CASD1: variants seen among roughly 807,000 people sequenced by gnomAD.
CASD1 encodes N-acetylneuraminate (7)9-O-acetyltransferase.
Under a neutral mutation model 100.0 loss-of-function variants are expected in CASD1, and 41 were observed. That is an observed-to-expected ratio of 0.41 (90% confidence interval 0.32 to 0.53). The LOEUF (loss-of-function observed/expected upper bound fraction) is 0.53, where lower values mean the gene tolerates loss of function less well. Ranked by LOEUF, CASD1 falls within the 20% of genes least tolerant of loss-of-function variation. CASD1 has a pLI of 0.25. For missense variants in CASD1, 774 were observed against 948.7 expected, an observed-to-expected ratio of 0.82 and a Z score of 2.42; for synonymous variants, 321 against 315.6, an observed-to-expected ratio of 1.02 and a Z score of -0.18.
At chr7:94,597,053 G>A in the CASD1 span, among the ~76,000 whole-genome samples, 12 of 151,708 alleles carry the variant, frequency 7.9e-5, no homozygotes, top group Admixed American at 4.6e-4. Flanking sequence ...ATCTAATCCC[G>A]GTAAACTGGG....
At chr7:94,518,858 CTAATT>C (rs907763510) in intron 3 of CASD1, among the ~76,000 whole-genome samples, 7 of 151,742 alleles carry the variant, frequency 4.6e-5, no homozygotes, top group African/African-American at 1.5e-4. Flanking sequence ...TTATAGTTTT[CTAATT>C]TAATTTTGCA....
In CASD1 at chr7:94,551,445, T is replaced by C; in HGVS notation, c.1923T>C (p.Asn641=). 1 of 1,522,714 alleles carries C rather than the reference T, an allele frequency of 6.6e-7. No homozygotes were observed. Among genetic ancestry groups the C allele is most frequent in the Non-Finnish European group, 8.8e-7 (1 of 1,140,636 alleles). 94.3% of individuals were successfully genotyped at this position (1,522,714 alleles called of 1,614,324 possible). A position where few individuals can be genotyped will look rare whatever the true frequency, so the allele number is the denominator to read the frequency against. ...GEPLFSNKIS[N]FLLFISVVSF... ...CTCTTTTTTCAAACAAAATTTCAAA[T>C]TTTCTGTTGTTTATTTCAGTAGTTT... Residue 641 remains asparagine, a synonymous_variant, in exon 15 of 18, where the codon AAT becomes AAC. Coordinates refer to ENST00000297273, the MANE Select transcript of CASD1 (RefSeq NM_022900.5).
At chr7:94,553,828 CAAGATTGTTCCACCGAAAATGA>C (rs1251956627) in intron 16 of CASD1, 1 of 121,924 alleles carries the variant, frequency 8.2e-6, no homozygotes, top group East Asian at 2.3e-4. Context: ...AAAGAAAATG[CAAGATTGTTCCACCGAAAATGA>C]AAGATTGTTC....
chr7:94,571,009 TTTTC>T, the CASD1 span, among the ~76,000 whole-genome samples: 1 of 152,006 alleles, frequency 6.6e-6, no homozygotes, highest in East Asian at 1.9e-4. Flanking sequence ...ATGCTTCAGC[TTTTC>T]TTTATCTGGA....
At chr7:94,514,323 C>A (rs1189362618) in intron 1 of CASD1, among the ~76,000 whole-genome samples, 1 of 152,030 alleles carries the variant, frequency 6.6e-6, no homozygotes, top group East Asian at 1.9e-4. Flanking sequence ...GCTTGTCTAA[C>A]GATAAATCTT....
rs762620073 is a variant in CASD1, at chr7:94,551,384, A to G, written c.1862A>G (p.Gln621Arg). 4 of 1,558,536 alleles carry G rather than the reference A, an allele frequency of 2.6e-6. No homozygotes were observed. The highest frequency in any genetic ancestry group is 3.4e-6 in the Non-Finnish European group (4 of 1,160,380). Reference sequence around the variant, plus strand: ...TTTGCTTTTATTTATCTGGCTTTGCAGAAGCGTCAAATACTTTCTGAAGGA... The same window carrying G: ...TTTGCTTTTATTTATCTGGCTTTGCGGAAGCGTCAAATACTTTCTGAAGGA... ...MLFAFIYLALQKRQILSEGKG... is the reference protein window; with the variant it reads ...MLFAFIYLALRKRQILSEGKG... The change falls in exon 15 of 18, where the codon CAG becomes CGG. Residue 621 changes from glutamine to arginine, a missense_variant. By Grantham distance (43) the Gln-to-Arg change is conservative. Coordinates refer to ENST00000297273, the MANE Select transcript of CASD1 (RefSeq NM_022900.5).
Position 94,545,689 on chromosome 7 carries a change from A to C in CASD1, c.1621A>C (p.Lys541Gln). The C allele has an allele frequency of 6.3e-7, 1 of 1,587,612 alleles. No homozygotes were observed. The change falls in exon 12 of 18, where the codon AAA becomes CAA. Residue 541 changes from lysine to glutamine, a missense_variant. Physicochemically the swap from Lys to Gln is moderately conservative, Grantham distance 53 (BLOSUM62 1). This residue lies in a region of CASD1 where 453 missense variants were observed against 532.6 expected (regional missense o/e 0.85). Transcript: ENST00000297273. Reference protein sequence around the residue: ...TLALWPQIIQKKANGNCFWHF... With the variant: ...TLALWPQIIQQKANGNCFWHF... ...AGCACTATGGCCACAAATAATCCAA[A>C]AAAAAGCAAACGGTAAATATACTTT...
At chr7:94,603,593 AAAC>A in the CASD1 span, 2 of 734,018 alleles carry the variant, frequency 2.7e-6, no homozygotes, top group South Asian at 3.4e-5. Flanking sequence ...TCGGCTCTAA[AAAC>A]AATGATTCAT....
At chr7:94,589,003 AT>A in the CASD1 span, 1 of 441,534 alleles carries the variant, frequency 2.3e-6, no homozygotes. Flanking sequence ...AGGTGTTAAT[AT>A]TTTTCCCATT....
intron 3 of CASD1, among the ~76,000 whole-genome samples, chr7:94,524,501 T>A (rs1794451181): frequency 6.6e-6 from 1 of 152,050 alleles, no homozygotes; most frequent in South Asian, 2.1e-4. Flanking sequence ...ACAGACCAGA[T>A]GTATTAGGCT....
chr7:94,630,625 G>T, the CASD1 span, among the ~76,000 whole-genome samples: 3 of 151,974 alleles, frequency 2.0e-5, no homozygotes, highest in African/African-American at 7.2e-5. Context: ...CAATTGTTTT[G>T]ATTAGTTTCC....
intron 12 of CASD1, 41 bp from the exon 13 acceptor site, chr7:94,547,055 A>G (rs1244961771): frequency 2.3e-6 from 3 of 1,279,412 alleles, no homozygotes; most frequent in Non-Finnish European, 3.3e-6. Flanking sequence ...GTTGTCTAAT[A>G]TAAATTTATT....
chr7:94,527,063 C>A, intron 3 of CASD1, 99 bp from the exon 4 acceptor site: 3 of 912,820 alleles, frequency 3.3e-6, no homozygotes, highest in South Asian at 1.6e-5. Flanking sequence ...AATATATCAA[C>A]AAAAATATGC....
At chr7:94,594,047 C>G in the CASD1 span, among the ~76,000 whole-genome samples, 6 of 152,058 alleles carry the variant, frequency 3.9e-5, no homozygotes, top group African/African-American at 1.4e-4. Flanking sequence ...GGTTTGGGAA[C>G]AAGGCTAGAC....
chr7:94,512,213 T>C (rs1049181648), intron 1 of CASD1, among the ~76,000 whole-genome samples: 2 of 152,144 alleles, frequency 1.3e-5, no homozygotes, highest in Non-Finnish European at 2.9e-5. Flanking sequence ...AAGAACTGTC[T>C]TTGGGCCACA....
At chr7:94,600,814 C>T in the CASD1 span, 50 of 1,612,718 alleles carry the variant, frequency 3.1e-5, no homozygotes, top group African/African-American at 5.3e-5. Context: ...CCCCTCTCCA[C>T]GAATCACTTC....
the CASD1 span, among the ~76,000 whole-genome samples, chr7:94,633,633 G>A: frequency 6.6e-6 from 1 of 151,934 alleles, no homozygotes; most frequent in Admixed American, 6.6e-5. Context: ...CAAAAAAAAA[G>A]GGAGCTCATG....
At position 94,555,884 on chromosome 7, in the gene CASD1, C is replaced by G; in HGVS notation, c.*126C>G. On this transcript the variant is annotated 3_prime_UTR_variant, in exon 18 of 18. Transcript: ENST00000297273. The stretch of plus-strand genomic sequence containing the variant: ...AAACGTTTGTGGCAAGAGGACAGTT[C>G]TGTGACATCTGTTGAACATATGTGG... 1.1e-6 allele frequency: 1 copy of G among 889,190 alleles called. No homozygotes were observed. The highest frequency in any genetic ancestry group is 2.5e-5 in the East Asian group (1 of 39,636). 55.1% of individuals were successfully genotyped at this position (889,190 alleles called of 1,614,324 possible).
At chr7:94,546,106 A>G (rs533741031) in intron 12 of CASD1, among the ~76,000 whole-genome samples, 1 of 152,014 alleles carries the variant, frequency 6.6e-6, no homozygotes, top group East Asian at 1.9e-4. Context: ...ACTTTGATTT[A>G]TGTATATATT....
Sources: gnomAD v4.1 joint callset for allele counts (sites outside exome capture counted in the v4.1 genomes callset) on GRCh38, gnomAD v4.1.1 for gene constraint, gnomAD v4.1.1 regional missense constraint, MANE v1.5 for transcripts, NCBI Gene and HGNC (gene_info 2026-07-23, HGNC 2026-07-21) for gene names.